IFI16: variants seen among roughly 807,000 people sequenced by gnomAD.
IFI16 encodes the protein gamma-interferon-inducible protein 16.
IFI16 carries 49 observed loss-of-function variants against 68.4 expected under a neutral mutation model. The ratio of observed to expected loss-of-function variants is 0.72; its 90% CI spans 0.57 to 0.91. IFI16 has a LOEUF of 0.91. Among genes scored for constraint, IFI16 ranks in the 40% least tolerant of loss-of-function variants. The pLI is 0.00. For missense variants in IFI16, 878 were observed against 942.9 expected (o/e 0.93, Z 0.90); for synonymous variants, 307 against 315.0 (o/e 0.97, Z 0.27).
At chr1:159,027,812 T>C (rs1338331328) in intron 6 of IFI16, among the ~76,000 whole-genome samples, 1 of 152,224 alleles carries the variant, frequency 6.6e-6, no homozygotes, top group African/African-American at 2.4e-5. Context: ...ATGTTCATAG[T>C]TGCATTGAAT....
intron 5 of IFI16, among the ~76,000 whole-genome samples, chr1:159,019,004 T>C (rs1013782386): frequency 2.0e-5 from 3 of 152,212 alleles, no homozygotes; most frequent in African/African-American, 7.2e-5. Flanking sequence ...GATTATTATC[T>C]CTACTGTCAT....
At chr1:159,027,031 C>A (rs1317763423) in intron 6 of IFI16, among the ~76,000 whole-genome samples, 1 of 152,098 alleles carries the variant, frequency 6.6e-6, no homozygotes, top group African/African-American at 2.4e-5. Flanking sequence ...TTTCTTTTGT[C>A]TGATTACCTG....
At chr1:159,026,440 A>T (rs1244303372) in intron 6 of IFI16, among the ~76,000 whole-genome samples, 4 of 152,014 alleles carry the variant, frequency 2.6e-5, no homozygotes, top group African/African-American at 9.7e-5. Flanking sequence ...CTGGGATTAC[A>T]GGTGCTTGCC....
In IFI16 at chr1:159,051,900, C is replaced by A; in HGVS notation, c.1887C>A (p.Ile629=). The A allele has an allele frequency of 6.2e-7, 1 of 1,614,084 alleles. No homozygotes were observed. Among genetic ancestry groups the A allele is most frequent in the Non-Finnish European group, 8.5e-7 (1 of 1,179,942 alleles). The change falls in exon 10 of 12, where the codon ATC becomes ATA. Residue 629 remains isoleucine, a synonymous_variant. Coordinates refer to ENST00000295809, the MANE Select transcript of IFI16 (RefSeq NM_001376587.1). The part of the protein sequence containing the change: ...DLKEKFTPKK[I]IAIANYVCRN... Reference sequence around the variant, plus strand: ...AGGAGAAGTTCACCCCAAAGAAGATCATTGCCATAGCAAATTATGTTTGCC... The same window carrying A: ...AGGAGAAGTTCACCCCAAAGAAGATAATTGCCATAGCAAATTATGTTTGCC...
rs777725595 is a variant in IFI16, at chr1:159,024,884, CGAA to C, written c.1161+4361_1161+4363del. On this transcript the variant is annotated intron_variant, in intron 6 of 11. Transcript: ENST00000295809. ...TTAGTACAGTAACCCATAATTCTAACGAAGAAGATGTTTTCTTGACTCAAATAT... is the reference window on the plus strand; with the variant it reads ...TTAGTACAGTAACCCATAATTCTAACGAAGATGTTTTCTTGACTCAAATAT... Among the ~76,000 whole-genome samples, 4 of 152,050 alleles carry C rather than the reference CGAA, an allele frequency of 2.6e-5. No individual in the cohort carries two copies. In the South Asian group the frequency reaches 8.3e-4, roughly 32 times the overall value.
intron 11 of IFI16, 134 bp from the exon 12 acceptor site, chr1:159,054,687 C>T (rs41264451): frequency 1.5e-5 from 8 of 544,272 alleles, no homozygotes; most frequent in African/African-American, 3.8e-5. Flanking sequence ...TAGATGAGAG[C>T]GAGAAAAGAA....
chr1:159,014,845 G>A lies in IFI16; in HGVS notation c.165G>A (p.Lys55=). Residue 55 remains lysine, a synonymous_variant, in exon 2 of 12, where the codon AAG becomes AAA. Transcript: ENST00000295809. ...KIQIADLMEE[K]FRGDAGLGKL... ...AGATTGCTGACTTGATGGAAGAAAA[G>A]TTCCGAGGTGATGCTGGTTTGGGCA... 1 of 1,614,062 alleles carries A rather than the reference G, an allele frequency of 6.2e-7. No homozygotes were observed. Among genetic ancestry groups the A allele is most frequent in the Non-Finnish European group, 8.5e-7 (1 of 1,179,912 alleles).
Position 159,016,705 on chromosome 1 carries a change from A to C in IFI16, c.549+5A>C, listed in dbSNP as rs368727269. 6.2e-6 allele frequency: 10 copies of C among 1,608,926 alleles called. No individual in the cohort carries two copies. The African/African-American group carries it at 9.4e-5, about 15-fold the overall frequency. On this transcript the variant is annotated splice_donor_5th_base_variant and intron_variant, in intron 4 of 11. Coordinates refer to ENST00000295809, the MANE Select transcript of IFI16 (RefSeq NM_001376587.1). ...CCCAACAGTTCTTCAACTGAGGTAC[A>C]CTCTTCCTGGTCCCATTTTGCTTTG...
upstream of IFI16, among the ~76,000 whole-genome samples, chr1:159,006,358 A>G (rs970132415): frequency 6.6e-6 from 1 of 152,230 alleles, no homozygotes; most frequent in South Asian, 2.1e-4. Context: ...CAAGAAGAGC[A>G]ACGGTACCAG....
intron 6 of IFI16, among the ~76,000 whole-genome samples, chr1:159,027,778 G>A (rs1653764163): frequency 6.6e-6 from 1 of 151,904 alleles, no homozygotes; most frequent in African/African-American, 2.4e-5. Flanking sequence ...ATATTTTCAG[G>A]TTTTCTACTT....
At chr1:159,047,465 ACAT>A (rs1488207477) in intron 8 of IFI16, among the ~76,000 whole-genome samples, 1 of 147,044 alleles carries the variant, frequency 6.8e-6, no homozygotes, top group East Asian at 2.0e-4. Context: ...ACATACATAG[ACAT>A]CATAAGACAA....
chr1:159,034,181 T>A (rs1357923923), intron 7 of IFI16, among the ~76,000 whole-genome samples: 1 of 152,192 alleles, frequency 6.6e-6, no homozygotes, highest in Non-Finnish European at 1.5e-5. Context: ...AGCAAAGTGA[T>A]GATCAAAACA....
intron 7 of IFI16, among the ~76,000 whole-genome samples, chr1:159,039,336 G>A (rs1173580718): frequency 1.3e-5 from 2 of 152,038 alleles, no homozygotes; most frequent in African/African-American, 4.8e-5. Flanking sequence ...TACAGACATG[G>A]ATACATTAGG....
chr1:159,046,700 C>T lies in IFI16; in HGVS notation c.1497+1236C>T, dbSNP rs116831639. On this transcript the variant is annotated intron_variant, in intron 8 of 11. Transcript: ENST00000295809. Reference sequence around the variant, plus strand: ...TACTTCCTTTGATATCAAATTTTTCCATCTCAATTCTGTCCCCAAATAAGT... The same window carrying T: ...TACTTCCTTTGATATCAAATTTTTCTATCTCAATTCTGTCCCCAAATAAGT... 9.2e-3 allele frequency among the ~76,000 whole-genome samples: 1,396 copies of T among 151,042 alleles called. 43 individuals are homozygous for T. Among genetic ancestry groups the T allele is most frequent in the African/African-American group, 0.032 (1,312 of 41,282 alleles).
rs1655126918 is a variant in IFI16 at position 159,048,363 on chromosome 1, G to C, written c.1498-1069G>C. Reference sequence around the variant, plus strand: ...ACTTCACATGTGAGAAAACTGAGATGCAAAGAAATCTTCCTCAGGGTCACA... The same window carrying C: ...ACTTCACATGTGAGAAAACTGAGATCCAAAGAAATCTTCCTCAGGGTCACA... On this transcript the variant is annotated intron_variant, in intron 8 of 11. Transcript: ENST00000295809. 1.3e-5 allele frequency among the ~76,000 whole-genome samples: 2 copies of C among 151,396 alleles called. 1 individual carries two copies. Among genetic ancestry groups the C allele is most frequent in the Non-Finnish European group, 3.0e-5 (2 of 67,700 alleles).
At chr1:159,051,016 C>A (rs1395167615) in intron 9 of IFI16, among the ~76,000 whole-genome samples, 1 of 152,136 alleles carries the variant, frequency 6.6e-6, no homozygotes, top group African/African-American at 2.4e-5. Flanking sequence ...TGAGACTATT[C>A]CTTACTCTGA....
At chr1:159,034,049 A>G (rs1029858957) in intron 7 of IFI16, among the ~76,000 whole-genome samples, 3 of 152,234 alleles carry the variant, frequency 2.0e-5, no homozygotes, top group African/African-American at 7.2e-5. Context: ...TGGTAATGCC[A>G]AGGTAAGTTC....
At chr1:159,049,646 G>A (rs771786034) in intron 9 of IFI16, 47 bp downstream of exon 9, 2 of 1,610,096 alleles carry the variant, frequency 1.2e-6, no homozygotes, top group Admixed American at 3.4e-5. Context: ...ACTATATAAT[G>A]ACAAGGATTA....
At chr1:159,052,730 C>T (rs919665890) in intron 10 of IFI16, 1 of 151,434 alleles carries the variant, frequency 6.6e-6, no homozygotes, top group Non-Finnish European at 1.5e-5. Flanking sequence ...AGCTTAACTG[C>T]TCAATTTATA....
Sources: allele counts gnomAD v4.1 joint callset (sites outside exome capture counted in the v4.1 genomes callset), GRCh38; gene constraint gnomAD v4.1.1; transcripts MANE v1.5; gene names NCBI Gene and HGNC (gene_info 2026-07-23, HGNC 2026-07-21).